NEGR1: variants seen among roughly 807,000 people sequenced by gnomAD.
The protein encoded by NEGR1 is IgLON family member 4.
In NEGR1, 10 loss-of-function variants were observed where a neutral mutation model predicts 40.9. The observed-to-expected ratio is 0.24, with a 90% CI of 0.15 to 0.42. The LOEUF (loss-of-function observed/expected upper bound fraction) is 0.42. Among genes scored for constraint, NEGR1 ranks in the 10% least tolerant of loss-of-function variants. The pLI, the probability that NEGR1 is intolerant of heterozygous loss-of-function variation, is 1.00. For missense variants in NEGR1, 352 were observed against 438.9 expected, an observed-to-expected ratio of 0.80 and a Z score of 1.77; for synonymous variants, 185 against 166.8, an observed-to-expected ratio of 1.11 and a Z score of -0.84.
chr1:71,933,097 G>C (rs1161404703), intron 2 of NEGR1, among the ~76,000 whole-genome samples: 3 of 151,804 alleles, frequency 2.0e-5, no homozygotes, highest in African/African-American at 7.3e-5. Flanking sequence ...TTTTCTAGAG[G>C]AATAAAATAT....
chr1:71,452,814 AC>A (rs1317299794), intron 6 of NEGR1, among the ~76,000 whole-genome samples: 4 of 16,944 alleles, frequency 2.4e-4, no homozygotes, highest in Non-Finnish European at 1.8e-3. Flanking sequence ...ACAAAAAAAA[AC>A]CAAAAAAAAA....
At chr1:72,008,055 AT>A (rs952205687) in intron 1 of NEGR1, among the ~76,000 whole-genome samples, 3 of 151,568 alleles carry the variant, frequency 2.0e-5, no homozygotes, top group Non-Finnish European at 4.4e-5. Context: ...GTGTTTGGAG[AT>A]TTTTTTTTCT....
chr1:71,750,428 C>G (rs12023757), intron 3 of NEGR1, among the ~76,000 whole-genome samples: 13,491 of 152,172 alleles, frequency 0.089, 821 homozygotes, highest in East Asian at 0.17. Flanking sequence ...CTGTTTTCAT[C>G]CTGCTGGTAA....
rs187318330 is a variant in NEGR1, at chr1:72,179,380, A to G, written c.176+102939T>C. On this transcript the variant is annotated intron_variant, in intron 1 of 6. Transcript: ENST00000357731. Reference sequence around the variant, plus strand: ...GCTTTATGTGTCTGGTTTTGTTCCAATACCATGCTGTTTTGAATGTTATTG... The same window carrying G: ...GCTTTATGTGTCTGGTTTTGTTCCAGTACCATGCTGTTTTGAATGTTATTG... 2.0e-3 allele frequency among the ~76,000 whole-genome samples: 307 copies of G among 151,932 alleles called. 3 individuals are homozygous for G. Among genetic ancestry groups the G allele is most frequent in the Non-Finnish European group, 9.4e-4 (64 of 67,908 alleles).
chr1:72,217,373 T>C (rs1653858216), intron 1 of NEGR1, among the ~76,000 whole-genome samples: 1 of 151,900 alleles, frequency 6.6e-6, no homozygotes, highest in Admixed American at 6.6e-5. Flanking sequence ...CCTTTTATAA[T>C]ATATCAATGT....
intron 6 of NEGR1, among the ~76,000 whole-genome samples, chr1:71,524,315 AGTGT>A (rs60790381): frequency 0.053 from 7,507 of 140,464 alleles, 398 homozygotes; most frequent in African/African-American, 0.14. Context: ...TTTAAATAGG[AGTGT>A]GTGTGTGTGT....
At chr1:71,875,288 C>G (rs1419562589) in intron 2 of NEGR1, among the ~76,000 whole-genome samples, 1 of 152,142 alleles carries the variant, frequency 6.6e-6, no homozygotes, top group Non-Finnish European at 1.5e-5. Context: ...CCAATTTGTC[C>G]ATTTTCTCTC....
At position 71,613,237 on chromosome 1, in the gene NEGR1, A is replaced by C. The variant is rs368709351; in HGVS notation, c.668-2091T>G. ...GTCTACTCTGAAATTGGAGCTGATA[A>C]GATTTCTAGACAGACTGAAGTGACA... On this transcript the variant is annotated intron_variant, in intron 4 of 6. Transcript: ENST00000357731. Among the ~76,000 whole-genome samples the C allele has an allele frequency of 5.3e-5, 8 of 152,288 alleles. No individual in the cohort carries two copies. The East Asian group carries it at 9.7e-4, about 18-fold the overall frequency.
intron 1 of NEGR1, among the ~76,000 whole-genome samples, chr1:72,222,407 A>ATC (rs1398362244): frequency 6.6e-6 from 1 of 152,170 alleles, no homozygotes; most frequent in Non-Finnish European, 1.5e-5. Flanking sequence ...ACTAGAATAA[A>ATC]TCTCTACTTC....
At position 72,087,440 on chromosome 1, in the gene NEGR1, AT is replaced by A. The variant is rs1247011006; in HGVS notation, c.177-152130del. The stretch of plus-strand genomic sequence containing the variant: ...AGTGAGATGCTGTCTCAAAAAAAAA[AT>A]ATATATATATATATTATTACTTAAC... On this transcript the variant is annotated intron_variant, in intron 1 of 6. Coordinates refer to ENST00000357731, the MANE Select transcript of NEGR1 (RefSeq NM_173808.3). 3.4e-3 allele frequency among the ~76,000 whole-genome samples: 492 copies of A among 145,002 alleles called. 5 individuals are homozygous for A. The highest frequency in any genetic ancestry group is 0.012 in the African/African-American group (470 of 38,982).
intron 1 of NEGR1, among the ~76,000 whole-genome samples, chr1:72,224,323 T>G (rs1270376543): frequency 6.8e-6 from 1 of 147,128 alleles, no homozygotes; most frequent in Non-Finnish European, 1.5e-5. Context: ...TTTTTTTTTT[T>G]TTCTAATGCA....
intron 6 of NEGR1, among the ~76,000 whole-genome samples, chr1:71,456,698 A>C (rs182141650): frequency 1.3e-5 from 2 of 152,332 alleles, no homozygotes; most frequent in East Asian, 3.9e-4. Context: ...AATTCAAAAA[A>C]TTCCACTAAT....
chr1:71,480,495 G>T lies in NEGR1; in HGVS notation c.941-72925C>A, dbSNP rs1367833135. ...TGTTTATTAATTGTGTTTATTGTTT[G>T]TCCCCTTCTGCTAGAAAGGGAGCTC... On this transcript the variant is annotated intron_variant, in intron 6 of 6. Coordinates refer to ENST00000357731, the MANE Select transcript of NEGR1 (RefSeq NM_173808.3). Among the ~76,000 whole-genome samples, 3 of 151,098 alleles carry T rather than the reference G, an allele frequency of 2.0e-5. 1 individual carries two copies. The highest frequency in any genetic ancestry group is 4.4e-5 in the Non-Finnish European group (3 of 67,698).
chr1:72,181,879 G>A (rs1652384615), intron 1 of NEGR1, among the ~76,000 whole-genome samples: 1 of 152,124 alleles, frequency 6.6e-6, no homozygotes, highest in Non-Finnish European at 1.5e-5. Context: ...ACCAGAGGTT[G>A]GGAGAAGGAC....
intron 1 of NEGR1, among the ~76,000 whole-genome samples, chr1:72,112,811 G>A (rs1649426492): frequency 6.6e-6 from 1 of 151,660 alleles, no homozygotes; most frequent in African/African-American, 2.4e-5. Flanking sequence ...CCATAGTACA[G>A]GTTGTGCTTC....
At chr1:71,980,181 A>T (rs903164058) in intron 1 of NEGR1, among the ~76,000 whole-genome samples, 12 of 152,170 alleles carry the variant, frequency 7.9e-5, no homozygotes, top group Middle Eastern at 3.2e-3. Context: ...AGGAGCCAGA[A>T]ATAGTAGTGG....
chr1:71,747,123 C>G (rs1367082000), intron 3 of NEGR1, among the ~76,000 whole-genome samples: 1 of 151,970 alleles, frequency 6.6e-6, no homozygotes, highest in Non-Finnish European at 1.5e-5. Flanking sequence ...TAAAATACAT[C>G]AGCTTTTTAT....
intron 1 of NEGR1, among the ~76,000 whole-genome samples, chr1:72,250,114 A>T (rs531520967): frequency 6.6e-6 from 1 of 152,198 alleles, no homozygotes; most frequent in Non-Finnish European, 1.5e-5. Flanking sequence ...AGTTCCATCA[A>T]TTGAAGACTA....
At chr1:71,888,235 A>T (rs1660785455) in intron 2 of NEGR1, among the ~76,000 whole-genome samples, 2 of 152,154 alleles carry the variant, frequency 1.3e-5, no homozygotes, top group African/African-American at 4.8e-5. Flanking sequence ...GAATAGGAAC[A>T]GCTCCAGTCT....
Sources: gnomAD v4.1 joint callset for allele counts (sites outside exome capture counted in the v4.1 genomes callset) on GRCh38, gnomAD v4.1.1 for gene constraint, MANE v1.5 for transcripts, NCBI Gene and HGNC (gene_info 2026-07-23, HGNC 2026-07-21) for gene names.